Variants in PRKCB observed in about 807,000 individuals in gnomAD.
PRKCB encodes protein kinase C beta, also known as protein kinase C beta type.
A neutral mutation model predicts 81.5 loss-of-function variants in PRKCB; 13 were observed. The ratio of observed to expected loss-of-function variants is 0.16; its 90% CI spans 0.10 to 0.25. PRKCB has a LOEUF of 0.25. PRKCB is among the 10% of genes least tolerant of loss of function. The probability of loss-of-function intolerance (pLI) is 1.00; values close to 1 mark genes in which losing one functional copy is unlikely to be tolerated. For synonymous variants in PRKCB, 335 were observed against 321.4 expected, an observed-to-expected ratio of 1.04 and a Z score of -0.45; for missense variants, 509 against 875.7, an observed-to-expected ratio of 0.58 and a Z score of 5.29.
At chr16:24,209,556 C>T (rs1968105805) in intron 16 of PRKCB, among the ~76,000 whole-genome samples, 1 of 152,140 alleles carries the variant, frequency 6.6e-6, no homozygotes, top group Non-Finnish European at 1.5e-5. Context: ...GCCAAAAATG[C>T]CAGGGTCACC....
At chr16:24,211,807 G>T (rs993339644) in intron 16 of PRKCB, among the ~76,000 whole-genome samples, 2 of 152,042 alleles carry the variant, frequency 1.3e-5, no homozygotes, top group Non-Finnish European at 2.9e-5. Flanking sequence ...TGATCCACCC[G>T]CCTCGGCTTC....
chr16:23,918,300 T>A (rs1484036880), intron 2 of PRKCB, among the ~76,000 whole-genome samples: 1 of 152,220 alleles, frequency 6.6e-6, no homozygotes, highest in Admixed American at 6.5e-5. Context: ...TACTAGAAGA[T>A]ACTTATCTTT....
chr16:23,906,856 A>G (rs956710149), intron 2 of PRKCB, among the ~76,000 whole-genome samples: 2 of 152,186 alleles, frequency 1.3e-5, no homozygotes, highest in Non-Finnish European at 2.9e-5. Flanking sequence ...GACAGCCTCC[A>G]GTGCCAGCTA....
chr16:23,940,170 CA>C (rs1416769947), intron 2 of PRKCB, among the ~76,000 whole-genome samples: 5 of 151,914 alleles, frequency 3.3e-5, no homozygotes, highest in Admixed American at 3.3e-4. Context: ...ATCAAAATGT[CA>C]AAAATGAAAA....
At chr16:23,935,418 A>G (rs1323513313) in intron 2 of PRKCB, among the ~76,000 whole-genome samples, 4 of 152,176 alleles carry the variant, frequency 2.6e-5, no homozygotes, top group Non-Finnish European at 4.4e-5. Context: ...CTCTCCTGCC[A>G]TCCCCCAGCT....
chr16:23,839,049 T>C (rs1037875620), intron 2 of PRKCB, among the ~76,000 whole-genome samples: 3 of 152,218 alleles, frequency 2.0e-5, no homozygotes, highest in African/African-American at 7.2e-5. Flanking sequence ...TGTCTCTTGC[T>C]GAGATCGGGG....
At chr16:24,123,196 T>A (rs1966822333) in intron 8 of PRKCB, among the ~76,000 whole-genome samples, 1 of 152,166 alleles carries the variant, frequency 6.6e-6, no homozygotes, top group Non-Finnish European at 1.5e-5. Context: ...CATGAAAATG[T>A]GAACCCCAAG....
chr16:24,093,557 G>T (rs1169252957), intron 6 of PRKCB, among the ~76,000 whole-genome samples: 2 of 152,226 alleles, frequency 1.3e-5, no homozygotes, highest in East Asian at 3.8e-4. Flanking sequence ...GCTTATAGAG[G>T]TTAAAGAGTA....
At chr16:24,023,631 G>A (rs544338599) in intron 3 of PRKCB, among the ~76,000 whole-genome samples, 56 of 152,206 alleles carry the variant, frequency 3.7e-4, no homozygotes, top group African/African-American at 1.3e-3. Flanking sequence ...GCCTCCCAAA[G>A]TGCTGGGATT....
At chr16:23,937,975 C>T (rs1292950727) in intron 2 of PRKCB, among the ~76,000 whole-genome samples, 1 of 152,128 alleles carries the variant, frequency 6.6e-6, no homozygotes, top group Non-Finnish European at 1.5e-5. Context: ...ATCAGAGAAT[C>T]AGATTGTGGA....
intron 2 of PRKCB, among the ~76,000 whole-genome samples, chr16:23,871,255 C>T (rs1273467115): frequency 1.3e-5 from 2 of 152,212 alleles, no homozygotes; most frequent in African/African-American, 4.8e-5. Context: ...GCCTGCCATG[C>T]TGGCTCCTTC....
intron 5 of PRKCB, 89 bp downstream of exon 5, chr16:24,035,636 A>G: frequency 6.5e-5 from 8 of 122,444 alleles, no homozygotes; most frequent in Middle Eastern, 1.0e-3. Flanking sequence ...GGGGCAGTCC[A>G]GTGGAGGGGT....
chr16:23,847,360 C>G (rs1567288244), intron 2 of PRKCB, among the ~76,000 whole-genome samples: 1 of 43,062 alleles, frequency 2.3e-5, no homozygotes, highest in Non-Finnish European at 4.6e-5. Flanking sequence ...ATCTATCTAT[C>G]TATCTATCTA....
At chr16:24,200,489 C>A (rs900531628) in intron 16 of PRKCB, among the ~76,000 whole-genome samples, 1 of 152,142 alleles carries the variant, frequency 6.6e-6, no homozygotes, top group African/African-American at 2.4e-5. Context: ...CAGTTTCTGT[C>A]TTAGTCCATG....
chr16:23,863,237 T>C (rs1567293503), intron 2 of PRKCB, among the ~76,000 whole-genome samples: 62 of 55,948 alleles, frequency 1.1e-3, no homozygotes, highest in African/African-American at 3.5e-3. Flanking sequence ...TGTGTATATA[T>C]ATACATATAT....
intron 2 of PRKCB, among the ~76,000 whole-genome samples, chr16:23,895,465 T>C (rs762455153): frequency 3.9e-5 from 6 of 152,226 alleles, no homozygotes; most frequent in African/African-American, 7.2e-5. Context: ...CCCTATGTAC[T>C]TTCAATTATA....
intron 9 of PRKCB, among the ~76,000 whole-genome samples, chr16:24,146,628 C>T (rs773834356): frequency 1.3e-5 from 2 of 152,172 alleles, no homozygotes; most frequent in Non-Finnish European, 2.9e-5. Context: ...CATTGGGATT[C>T]GCCAGTAAAG....
rs561097893 is a variant in PRKCB at position 24,049,851 on chromosome 16, T to C, written c.529+14304T>C. Among the ~76,000 whole-genome samples, 150 of 152,300 alleles carry C rather than the reference T, an allele frequency of 9.8e-4. 1 individual carries two copies. The highest frequency in any genetic ancestry group is 3.5e-3 in the African/African-American group (146 of 41,566). ...ATTGTGGGTGCTTAGCCCACGCCTGTGTATCGCTCAGGGAATCAGAGTCAC... is the reference window on the plus strand; with the variant it reads ...ATTGTGGGTGCTTAGCCCACGCCTGCGTATCGCTCAGGGAATCAGAGTCAC... On this transcript the variant is annotated intron_variant, in intron 5 of 16. Coordinates refer to ENST00000643927, the MANE Select transcript of PRKCB (RefSeq NM_002738.7).
At chr16:24,009,910 A>G (rs1284469611) in intron 3 of PRKCB, among the ~76,000 whole-genome samples, 2 of 152,016 alleles carry the variant, frequency 1.3e-5, no homozygotes, top group Admixed American at 6.6e-5. Context: ...CCAGCTACTC[A>G]GGAGGCTGAG....
Sources: allele counts gnomAD v4.1 joint callset (sites outside exome capture counted in the v4.1 genomes callset), GRCh38; gene constraint gnomAD v4.1.1; transcripts MANE v1.5; gene names NCBI Gene and HGNC (gene_info 2026-07-23, HGNC 2026-07-21).